PLXNC1: variants seen among roughly 807,000 people sequenced by gnomAD.
PLXNC1 encodes the protein plexin C1.
In PLXNC1, 75 loss-of-function variants were observed where a neutral mutation model predicts 178.2. The ratio of observed to expected loss-of-function variants is 0.42; its 90% CI spans 0.35 to 0.51. PLXNC1 has a LOEUF of 0.51. PLXNC1 is among the 20% of genes least tolerant of loss of function. The pLI, the probability that PLXNC1 is intolerant of heterozygous loss-of-function variation, is 0.02. For missense variants in PLXNC1, 1,503 were observed against 1,984.4 expected (o/e 0.76, Z 4.61); for synonymous variants, 790 against 779.9 (o/e 1.01, Z -0.22).
At chr12:94,249,131 A>G (rs1964607996) in intron 14 of PLXNC1, among the ~76,000 whole-genome samples, 1 of 152,224 alleles carries the variant, frequency 6.6e-6, no homozygotes, top group African/African-American at 2.4e-5. Flanking sequence ...AAATGTGTTC[A>G]TGTCCCACTG....
chr12:94,199,591 G>A (rs1238743792), intron 4 of PLXNC1, among the ~76,000 whole-genome samples: 1 of 152,150 alleles, frequency 6.6e-6, no homozygotes, highest in Non-Finnish European at 1.5e-5. Context: ...GAAGGGGTCT[G>A]GGGGTCAACC....
intron 24 of PLXNC1, among the ~76,000 whole-genome samples, chr12:94,296,230 G>A (rs1319553706): frequency 6.6e-6 from 1 of 152,116 alleles, no homozygotes; most frequent in Non-Finnish European, 1.5e-5. Context: ...GTACAATCAT[G>A]GCTCACTGAA....
chr12:94,172,210 A>G (rs963395919), intron 2 of PLXNC1, among the ~76,000 whole-genome samples: 1 of 152,220 alleles, frequency 6.6e-6, no homozygotes, highest in Non-Finnish European at 1.5e-5. Context: ...CAACGCAGAC[A>G]GTAGGAGGAG....
intron 2 of PLXNC1, among the ~76,000 whole-genome samples, chr12:94,179,111 T>C (rs1962207151): frequency 6.6e-6 from 1 of 152,082 alleles, no homozygotes; most frequent in Non-Finnish European, 1.5e-5. Flanking sequence ...AAAGGAGAAG[T>C]GAATGCGGGA....
intron 9 of PLXNC1, among the ~76,000 whole-genome samples, chr12:94,233,835 T>C (rs1964172561): frequency 6.6e-6 from 1 of 152,204 alleles, no homozygotes; most frequent in South Asian, 2.1e-4. Context: ...TGGTTACCAC[T>C]CTTACCAATT....
intron 2 of PLXNC1, among the ~76,000 whole-genome samples, chr12:94,175,018 T>G (rs1316895466): frequency 1.3e-5 from 2 of 152,236 alleles, no homozygotes; most frequent in South Asian, 2.1e-4. Flanking sequence ...GAAATTTGCC[T>G]TGATCTTTAT....
At chr12:94,230,217 T>C (rs959766809) in intron 9 of PLXNC1, among the ~76,000 whole-genome samples, 1 of 152,250 alleles carries the variant, frequency 6.6e-6, no homozygotes, top group Admixed American at 6.5e-5. Context: ...TTTGGGGGAC[T>C]GGCTCTTTTA....
chr12:94,197,260 A>G (rs1436318728), intron 4 of PLXNC1, among the ~76,000 whole-genome samples: 1 of 152,218 alleles, frequency 6.6e-6, no homozygotes, highest in Non-Finnish European at 1.5e-5. Flanking sequence ...TGTATTGGAC[A>G]CTTAATCCCC....
chr12:94,202,055 G>A (rs765233821), intron 4 of PLXNC1, among the ~76,000 whole-genome samples: 9 of 151,968 alleles, frequency 5.9e-5, no homozygotes, highest in Non-Finnish European at 7.4e-5. Flanking sequence ...CACTAGCACT[G>A]GCCTCTTCCT....
intron 27 of PLXNC1, 95 bp from the exon 28 acceptor site, chr12:94,300,814 AC>A: frequency 8.5e-7 from 1 of 1,170,926 alleles, no homozygotes; most frequent in African/African-American, 1.5e-5. Context: ...TACTTCAATA[AC>A]AAGGACAAAA....
chr12:94,268,891 G>A (rs920085269), intron 21 of PLXNC1, among the ~76,000 whole-genome samples: 2 of 152,016 alleles, frequency 1.3e-5, no homozygotes, highest in South Asian at 2.1e-4. Context: ...AACTGCATCC[G>A]GCCGATAATA....
intron 21 of PLXNC1, among the ~76,000 whole-genome samples, 169 bp downstream of exon 21, chr12:94,265,394 TA>T (rs1451160191): frequency 1.6e-4 from 24 of 152,212 alleles, no homozygotes; most frequent in African/African-American, 5.8e-4. Flanking sequence ...CGTGTTCACA[TA>T]ATAGATTTTA....
chr12:94,150,093 C>A (rs1454094144), intron 1 of PLXNC1, 60 bp downstream of exon 1: 1 of 1,365,420 alleles, frequency 7.3e-7, no homozygotes, highest in East Asian at 2.6e-5. Context: ...GCCGCCGCCG[C>A]CGAGGCAGAA....
chr12:94,203,501 T>G (rs1320943741), intron 4 of PLXNC1, among the ~76,000 whole-genome samples: 1 of 152,204 alleles, frequency 6.6e-6, no homozygotes, highest in Non-Finnish European at 1.5e-5. Context: ...AACTTGTATT[T>G]TCCTATATGT....
chr12:94,247,863 GT>G (rs776972579), intron 12 of PLXNC1, 39 bp from the exon 13 acceptor site: 1 of 1,580,662 alleles, frequency 6.3e-7, no homozygotes, highest in Non-Finnish European at 8.7e-7. Context: ...GCTGGGATTC[GT>G]TAACAAAGTT....
At chr12:94,231,286 T>C (rs11107467) in intron 9 of PLXNC1, among the ~76,000 whole-genome samples, 50,143 of 151,918 alleles carry the variant, frequency 0.33, 8,457 homozygotes, top group East Asian at 0.42. Flanking sequence ...AACCAGCATA[T>C]GCACAGTGTA....
intron 3 of PLXNC1, among the ~76,000 whole-genome samples, chr12:94,185,173 C>T (rs748282056): frequency 7.2e-5 from 11 of 152,146 alleles, no homozygotes; most frequent in Non-Finnish European, 1.2e-4. Context: ...TGGTTAATTC[C>T]GGCTCAGGAT....
chr12:94,173,445 A>C (rs1961921960), intron 2 of PLXNC1, among the ~76,000 whole-genome samples: 1 of 152,256 alleles, frequency 6.6e-6, no homozygotes, highest in Non-Finnish European at 1.5e-5. Flanking sequence ...AAAGATAAGA[A>C]GGCAATGGGC....
chr12:94,211,180 C>A (rs1485653203), intron 5 of PLXNC1, among the ~76,000 whole-genome samples: 1 of 152,198 alleles, frequency 6.6e-6, no homozygotes, highest in Non-Finnish European at 1.5e-5. Context: ...CTGCTTACCA[C>A]CCAAACGACC....
Sources: gnomAD v4.1 joint callset for allele counts (sites outside exome capture counted in the v4.1 genomes callset) on GRCh38, gnomAD v4.1.1 for gene constraint, MANE v1.5 for transcripts, NCBI Gene and HGNC (gene_info 2026-07-23, HGNC 2026-07-21) for gene names.